The following RARB variants were observed in gnomAD, a reference collection of about 807,000 sequenced individuals.
RARB encodes HBV-activated protein.
Under a neutral mutation model 51.9 loss-of-function variants are expected in RARB, and 17 were observed. The observed-to-expected ratio is 0.33, with a 90% CI of 0.22 to 0.49. The LOEUF is 0.49. Ranked by LOEUF, RARB falls within the 20% of genes least tolerant of loss-of-function variation. The pLI, the probability that RARB is intolerant of heterozygous loss-of-function variation, is 0.99. For synonymous variants in RARB, 215 were observed against 195.4 expected (o/e 1.10, Z -0.84); for missense variants, 369 against 550.8 (o/e 0.67, Z 3.30).
Position 25,510,272 on chromosome 3 carries a change from T to C in RARB, c.448+8949T>C, listed in dbSNP as rs541216298. Reference sequence around the variant, plus strand: ...CTCTAAACAATGAAGTTCTTGCACATATTTAAAGCTACACGGTTTTCAGTA... The same window carrying C: ...CTCTAAACAATGAAGTTCTTGCACACATTTAAAGCTACACGGTTTTCAGTA... On this transcript the variant is annotated intron_variant, in intron 3 of 7. Coordinates refer to ENST00000330688, the MANE Select transcript of RARB (RefSeq NM_000965.5). Among the ~76,000 whole-genome samples, 10 of 152,322 alleles carry C rather than the reference T, an allele frequency of 6.6e-5. No individual in the cohort carries two copies. The East Asian group carries it at 1.2e-3, about 18-fold the overall frequency.
intron 5 of RARB, among the ~76,000 whole-genome samples, chr3:25,286,432 C>G (rs563915382): frequency 1.8e-4 from 27 of 152,008 alleles, no homozygotes; most frequent in Non-Finnish European, 3.7e-4. Context: ...ATGTTATTTT[C>G]CTTCCCTCTC....
rs117695486 is a variant in RARB, at chr3:25,182,387, A to G, written c.178+7812A>G. ...CATGGTGCTGGGAACAGCGATATGC[A>G]GAAGACCCAGGGAAAGCAGGAAAGT... On this transcript the variant is annotated intron_variant, in intron 5 of 11. Coordinates refer to the RARB transcript ENST00000383772. Among the ~76,000 whole-genome samples the G allele has an allele frequency of 2.6e-5, 4 of 152,334 alleles. No homozygotes were observed. In the East Asian group the frequency reaches 7.7e-4, roughly 29 times the overall value.
At chr3:25,191,704 T>G (rs1382850684) in intron 5 of RARB, among the ~76,000 whole-genome samples, 1 of 152,130 alleles carries the variant, frequency 6.6e-6, no homozygotes, top group Non-Finnish European at 1.5e-5. Context: ...ATGCAAGGAT[T>G]TGAAATGGCA....
chr3:25,486,861 A>G (rs1272301861), intron 2 of RARB, among the ~76,000 whole-genome samples: 2 of 152,170 alleles, frequency 1.3e-5, no homozygotes, highest in African/African-American at 2.4e-5. Context: ...TTTTATTTCA[A>G]TCAGGTTCCA....
chr3:25,253,966 A>T (rs572086149), intron 5 of RARB, among the ~76,000 whole-genome samples: 107 of 152,266 alleles, frequency 7.0e-4, no homozygotes, highest in African/African-American at 2.5e-3. Context: ...ATAAAAGGAT[A>T]TCATTGTAGT....
intron 2 of RARB, among the ~76,000 whole-genome samples, chr3:25,469,012 G>A (rs1034708635): frequency 1.3e-5 from 2 of 152,212 alleles, no homozygotes; most frequent in Non-Finnish European, 2.9e-5. Flanking sequence ...GGTCACATTG[G>A]TAGCCTTCTA....
intron 4 of RARB, among the ~76,000 whole-genome samples, chr3:25,149,694 GA>G (rs1251397635): frequency 6.6e-6 from 1 of 152,130 alleles, no homozygotes; most frequent in African/African-American, 2.4e-5. Context: ...GCATGAATTA[GA>G]TGCATGTATA....
chr3:24,902,429 C>T lies in RARB; in HGVS notation c.-380+43677C>T, dbSNP rs113599580. On this transcript the variant is annotated intron_variant, in intron 2 of 11. Transcript: ENST00000383772. ...TTTTTTTTCCCACTTTTTGTCCACC[C>T]TACAGAAGAAAGGAAGAGTTTTCAC... is the stretch of plus-strand genomic sequence containing the variant. Among the ~76,000 whole-genome samples the T allele has an allele frequency of 4.4e-3, 668 of 152,204 alleles. 7 individuals are homozygous for T. Among genetic ancestry groups the T allele is most frequent in the African/African-American group, 0.015 (627 of 41,536 alleles).
chr3:25,228,627 T>G (rs1166536488), intron 5 of RARB, among the ~76,000 whole-genome samples: 1 of 152,146 alleles, frequency 6.6e-6, no homozygotes. Context: ...TGAAATTTAC[T>G]GATTGCCTTA....
At chr3:25,112,989 GAT>G (rs1699628563) in intron 3 of RARB, among the ~76,000 whole-genome samples, 4 of 152,134 alleles carry the variant, frequency 2.6e-5, no homozygotes, top group Admixed American at 2.6e-4. Context: ...TGGTGCTCTT[GAT>G]ATGAGATATT....
At chr3:25,168,869 CA>C (rs1328199949) in intron 4 of RARB, among the ~76,000 whole-genome samples, 1 of 152,082 alleles carries the variant, frequency 6.6e-6, no homozygotes, top group Non-Finnish European at 1.5e-5. Context: ...CTTGAGTTAG[CA>C]GATTGAATGC....
chr3:24,966,606 ATCTCTCTCTCTC>A (rs55848511), intron 2 of RARB, among the ~76,000 whole-genome samples: 3,073 of 140,322 alleles, frequency 0.022, 84 homozygotes, highest in African/African-American at 0.062. Context: ...GTTTACATTC[ATCTCTCTCTCTC>A]TCTCTCTCTC....
chr3:25,355,583 A>C (rs758125071), intron 5 of RARB, among the ~76,000 whole-genome samples: 12 of 148,846 alleles, frequency 8.1e-5, no homozygotes, highest in Non-Finnish European at 1.0e-4. Flanking sequence ...TTAACCTTTT[A>C]AAAAAAAATT....
intron 5 of RARB, among the ~76,000 whole-genome samples, chr3:25,178,372 G>A (rs1332177491): frequency 6.6e-6 from 1 of 152,064 alleles, no homozygotes; most frequent in Non-Finnish European, 1.5e-5. Flanking sequence ...TACTCACACA[G>A]CATTTAGTGT....
At chr3:24,880,111 A>C (rs1389997298) in intron 2 of RARB, among the ~76,000 whole-genome samples, 1 of 152,124 alleles carries the variant, frequency 6.6e-6, no homozygotes. Context: ...ATCAATGCTT[A>C]ATTTTTAAAA....
At chr3:25,037,917 GAA>G (rs972396134) in intron 2 of RARB, among the ~76,000 whole-genome samples, 1 of 152,102 alleles carries the variant, frequency 6.6e-6, no homozygotes, top group Non-Finnish European at 1.5e-5. Context: ...GAGAAAACCA[GAA>G]GAGAGAAAAA....
At chr3:25,181,853 C>T (rs1700868215) in intron 5 of RARB, among the ~76,000 whole-genome samples, 1 of 152,110 alleles carries the variant, frequency 6.6e-6, no homozygotes, top group South Asian at 2.1e-4. Flanking sequence ...GATGGCAGTG[C>T]TGTTCTCGGT....
At chr3:25,337,218 C>G (rs1307459812) in intron 5 of RARB, among the ~76,000 whole-genome samples, 1 of 152,040 alleles carries the variant, frequency 6.6e-6, no homozygotes, top group Non-Finnish European at 1.5e-5. Flanking sequence ...CAACCCCCAC[C>G]CCCACAAAAA....
chr3:25,141,473 A>G (rs1224217331), intron 4 of RARB, among the ~76,000 whole-genome samples: 1 of 152,186 alleles, frequency 6.6e-6, no homozygotes, highest in Non-Finnish European at 1.5e-5. Flanking sequence ...TGCCAATTTC[A>G]GAGGGTCTTA....
Sources: gnomAD v4.1 joint callset for allele counts (sites outside exome capture counted in the v4.1 genomes callset) on GRCh38, gnomAD v4.1.1 for gene constraint, MANE v1.5 for transcripts, NCBI Gene and HGNC (gene_info 2026-07-23, HGNC 2026-07-21) for gene names.